Variants in DPP8 observed in about 807,000 individuals in gnomAD.
DPP8 encodes the protein dipeptidyl peptidase 8.
In DPP8, 31 loss-of-function variants were observed where a neutral mutation model predicts 107.5. The ratio of observed to expected loss-of-function variants is 0.29; its 90% CI spans 0.22 to 0.39. The LOEUF is 0.39. Among genes scored for constraint, DPP8 ranks in the 10% least tolerant of loss-of-function variants. DPP8 has a pLI of 1.00. For missense variants in DPP8, 842 were observed against 1,076.1 expected (o/e 0.78, Z 3.04); for synonymous variants, 381 against 356.6 (o/e 1.07, Z -0.77).
chr15:65,512,376 T>C lies in DPP8; in HGVS notation c.178A>G (p.Met60Val), dbSNP rs1235714687. 1 of 1,614,012 alleles carries C rather than the reference T, an allele frequency of 6.2e-7. No homozygotes were observed. The highest frequency in any genetic ancestry group is 8.5e-7 in the Non-Finnish European group (1 of 1,180,032). The change falls in exon 2 of 20, where the codon ATG (methionine) becomes GTG (valine). Residue 60 changes from methionine (M) to valine (V), a missense_variant. Physicochemically the swap from Met to Val is conservative, Grantham distance 21. Coordinates refer to ENST00000300141, the MANE Select transcript of DPP8 (RefSeq NM_130434.5). ...ADTRKYHGYM[M>V]AKAPHDFMFV... ...ATGAAATCATGTGGTGCCTTAGCCA[T>C]CATGTAGCCATGATATTTTCTGGTA...
intron 15 of DPP8, among the ~76,000 whole-genome samples, chr15:65,461,751 T>C (rs2064944878): frequency 6.6e-6 from 1 of 151,846 alleles, no homozygotes; most frequent in African/African-American, 2.4e-5. Context: ...CTATAGGCAC[T>C]TGCCACCACT....
intron 10 of DPP8, among the ~76,000 whole-genome samples, chr15:65,479,850 CAAAAAAAAAAAAAAAAA>C (rs56303808): frequency 3.0e-5 from 2 of 66,760 alleles, no homozygotes; most frequent in Non-Finnish European, 5.9e-5. Flanking sequence ...GACTCCGTCT[CAAAAAAAAAAAAAAAAA>C]AAAAAAAAGA....
chr15:65,494,568 G>A (rs573208450), intron 5 of DPP8, among the ~76,000 whole-genome samples: 129 of 148,134 alleles, frequency 8.7e-4, no homozygotes, highest in African/African-American at 3.0e-3. Flanking sequence ...AGCTATTCAG[G>A]GGTGCTGAGG....
At position 65,512,327 on chromosome 15, in the gene DPP8, T is replaced by A; in HGVS notation, c.227A>T (p.Asp76Val). The change falls in exon 2 of 20, where the codon GAT becomes GTT. Residue 76 changes from aspartate (D) to valine (V), a missense_variant. Asp to Val is a radical substitution (Grantham distance 152). Around this residue, in one of 2 missense-constraint regions of DPP8, gnomAD observed 663 missense variants for 758.0 expected, o/e 0.87. Transcript: ENST00000300141. ...DFMFVKRNDP[D>V]GPHSDRIYYL... is the part of the protein sequence containing the mutation. ...ATAGATTCTGTCTGAATGAGGTCCA[T>A]CTGGATCATTCCTCTTCACAAACAT... is the stretch of plus-strand genomic sequence containing the variant. The A allele has an allele frequency of 6.2e-7, 1 of 1,613,762 alleles. No individual in the cohort carries two copies. Among genetic ancestry groups the A allele is most frequent in the East Asian group, 2.2e-5 (1 of 44,882 alleles).
At position 65,456,263 on chromosome 15, in the gene DPP8, G is replaced by T. The variant is rs771207373; in HGVS notation, c.2080C>A (p.Arg694=). 1.2e-6 allele frequency: 2 copies of T among 1,613,346 alleles called. No homozygotes were observed. Among genetic ancestry groups the T allele is most frequent in the East Asian group, 4.5e-5 (2 of 44,864 alleles). ...AAGGCGCCTTCAAATTTAAGCCCTC[G>T]GTGACAGGATCCCCTGTTGTCTATC... is the stretch of plus-strand genomic sequence containing the variant. ...VVIDNRGSCH[R]GLKFEGAFKY... Residue 694 remains arginine (R), a synonymous_variant, in exon 16 of 20, where the codon CGA becomes AGA. Transcript: ENST00000300141.
chr15:65,498,078 T>C (rs1364306249), intron 4 of DPP8, 46 bp from the exon 5 acceptor site: 36 of 1,394,072 alleles, frequency 2.6e-5, no homozygotes, highest in Middle Eastern at 1.8e-4. Flanking sequence ...GGCTGACACA[T>C]ACATGTTCCA....
In DPP8 at chr15:65,463,936, A is replaced by G. The variant is rs2065122688; in HGVS notation, c.1826-30T>C. The stretch of plus-strand genomic sequence containing the variant: ...GAATAGGTAACATAACAGAGTCTAC[A>G]AAAGAGTTCTTATGGGAGTGCTACA... On this transcript the variant is annotated intron_variant, in intron 14 of 19. Transcript: ENST00000300141. The G allele has an allele frequency of 4.0e-6, 6 of 1,490,036 alleles. No homozygotes were observed. The African/African-American group carries it at 5.7e-5, about 14-fold the overall frequency. 92.3% of individuals were successfully genotyped at this position (1,490,036 alleles called of 1,614,324 possible). A position where few individuals can be genotyped will look rare whatever the true frequency, so the allele number is the denominator to read the frequency against.
chr15:65,495,080 T>C (rs2068447784), intron 5 of DPP8, among the ~76,000 whole-genome samples: 1 of 152,194 alleles, frequency 6.6e-6, no homozygotes. Flanking sequence ...GTCCTGGCCC[T>C]TATCTGCCAA....
At chr15:65,495,893 A>G (rs2068541270) in intron 5 of DPP8, among the ~76,000 whole-genome samples, 2 of 152,084 alleles carry the variant, frequency 1.3e-5, no homozygotes, top group Non-Finnish European at 2.9e-5. Context: ...AAAACAAACA[A>G]CAACAAAAAA....
At chr15:65,512,754 AT>A in intron 1 of DPP8, 190 bp from the exon 2 acceptor site, 1 of 607,768 alleles carries the variant, frequency 1.6e-6, no homozygotes, top group Middle Eastern at 4.1e-4. Context: ...TAAAAATGAA[AT>A]TAAAAAAAAA....
At chr15:65,455,725 T>C (rs1595866243) in intron 16 of DPP8, 3 of 1,259,138 alleles carry the variant, frequency 2.4e-6, no homozygotes, top group East Asian at 5.6e-5. Flanking sequence ...GCATGTCCAA[T>C]AACACTGGCA....
intron 8 of DPP8, among the ~76,000 whole-genome samples, chr15:65,483,839 A>G (rs1053567734): frequency 6.6e-6 from 1 of 152,140 alleles, no homozygotes; most frequent in Non-Finnish European, 1.5e-5. Context: ...AATGTTCATC[A>G]CCTGATAAAT....
In DPP8 at chr15:65,446,846, T is replaced by C. The variant is rs756398941; in HGVS notation, c.*38A>G. The C allele has an allele frequency of 3.2e-6, 5 of 1,553,726 alleles. No individual in the cohort carries two copies. The highest frequency in any genetic ancestry group is 2.4e-5 in the South Asian group (2 of 82,684). ...GATTAAACCTCCTCATTTGGTTAAA[T>C]AGCCAGTGTATACCAGAGAGTTCTA... On this transcript the variant is annotated 3_prime_UTR_variant, in exon 20 of 20. Coordinates refer to ENST00000300141, the MANE Select transcript of DPP8 (RefSeq NM_130434.5).
intron 12 of DPP8, among the ~76,000 whole-genome samples, chr15:65,468,252 T>C (rs2065531553): frequency 6.6e-6 from 1 of 152,180 alleles, no homozygotes; most frequent in South Asian, 2.1e-4. Flanking sequence ...CCCAGTGTTT[T>C]GGGAGGCCGA....
chr15:65,480,139 G>A (rs1595976595), intron 10 of DPP8, 83 bp downstream of exon 10: 14 of 1,205,554 alleles, frequency 1.2e-5, no homozygotes, highest in Non-Finnish European at 1.6e-5. Flanking sequence ...AAAAAAAAAT[G>A]CATTTTGATA....
At position 65,512,530 on chromosome 15, in the gene DPP8, T is replaced by C; in HGVS notation, c.24A>G (p.Glu8=). The C allele has an allele frequency of 6.2e-7, 1 of 1,614,106 alleles. No individual in the cohort carries two copies. Among genetic ancestry groups the C allele is most frequent in the Non-Finnish European group, 8.5e-7 (1 of 1,179,964 alleles). The change falls in exon 2 of 20, where the codon GAA becomes GAG. Residue 8 remains glutamate, a synonymous_variant. Transcript: ENST00000300141. The part of the protein sequence containing the change: MAAAMET[E]QLGVEIFETA... ...TTTCAAATATCTCAACACCCAGCTG[T>C]TCTGTTTCCATTGCTGCTGCCATGT... is the stretch of plus-strand genomic sequence containing the variant.
At chr15:65,480,470 C>A in intron 9 of DPP8, 71 bp from the exon 10 acceptor site, 1 of 1,061,972 alleles carries the variant, frequency 9.4e-7, no homozygotes, top group Non-Finnish European at 1.4e-6. Context: ...CCTATTATCT[C>A]CTTTGGCACC....
intron 12 of DPP8, among the ~76,000 whole-genome samples, chr15:65,468,543 TA>T (rs1422096364): frequency 8.6e-5 from 13 of 151,670 alleles, no homozygotes; most frequent in Admixed American, 7.9e-4. Flanking sequence ...AAAACACATA[TA>T]AATTTCTAAA....
intron 12 of DPP8, among the ~76,000 whole-genome samples, chr15:65,471,219 C>T (rs1035737045): frequency 3.3e-5 from 5 of 151,388 alleles, no homozygotes; most frequent in African/African-American, 9.7e-5. Context: ...CAAGGTACTT[C>T]AACAGAAAAA....
Sources: gnomAD v4.1 joint callset for allele counts (sites outside exome capture counted in the v4.1 genomes callset) on GRCh38, gnomAD v4.1.1 for gene constraint, gnomAD v4.1.1 regional missense constraint, MANE v1.5 for transcripts, NCBI Gene and HGNC (gene_info 2026-07-23, HGNC 2026-07-21) for gene names.